HMCN1: variants seen among roughly 807,000 people sequenced by gnomAD.
The protein encoded by HMCN1 is hemicentin-1.
A neutral mutation model predicts 625.9 loss-of-function variants in HMCN1; 321 were observed. The observed-to-expected ratio is 0.51, with a 90% CI of 0.47 to 0.56. The LOEUF (loss-of-function observed/expected upper bound fraction) is 0.56. Among genes scored for constraint, HMCN1 ranks in the 20% least tolerant of loss-of-function variants. The pLI is 0.00. For missense variants in HMCN1, 6,588 were observed against 6,887.3 expected, an observed-to-expected ratio of 0.96 and a Z score of 1.54; for synonymous variants, 2,425 against 2,417.6, an observed-to-expected ratio of 1.00 and a Z score of -0.09.
At chr1:185,978,704 G>A (rs887364443) in intron 16 of HMCN1, among the ~76,000 whole-genome samples, 2 of 151,808 alleles carry the variant, frequency 1.3e-5, no homozygotes, top group African/African-American at 4.8e-5. Context: ...GGGTGGGTAC[G>A]GGTTCTCATT....
In HMCN1 at chr1:186,178,464, C is replaced by G; in HGVS notation, c.15992C>G (p.Ser5331Cys). ...QVPKPCAHQC[S>C]NTPGSFKCIC... Reference sequence around the variant, plus strand: ...CCTAAACCTTGTGCACATCAGTGCTCCAACACCCCCGGCAGCTTCAAGTGT... The same window carrying G: ...CCTAAACCTTGTGCACATCAGTGCTGCAACACCCCCGGCAGCTTCAAGTGT... The change falls in exon 104 of 107, where the codon TCC becomes TGC. Residue 5331 changes from serine to cysteine, a missense_variant. Ser to Cys is a moderately radical substitution (Grantham distance 112, BLOSUM62 -1). Around this residue, in one of 3 missense-constraint regions of HMCN1, gnomAD observed 1,954 missense variants for 2,013.1 expected, o/e 0.97. Coordinates refer to ENST00000271588, the MANE Select transcript of HMCN1 (RefSeq NM_031935.3). 6.2e-7 allele frequency: 1 copy of G among 1,614,006 alleles called. No homozygotes were observed. The highest frequency in any genetic ancestry group is 8.5e-7 in the Non-Finnish European group (1 of 1,179,972).
Position 186,033,214 on chromosome 1 carries a change from A to G in HMCN1, c.5750-4720A>G, listed in dbSNP as rs1298301980. ...CCAGGAATGGAAAACCAAACATCGCATGTTCTCAATTTTAAGTAGGAGCTA... is the reference window on the plus strand; with the variant it reads ...CCAGGAATGGAAAACCAAACATCGCGTGTTCTCAATTTTAAGTAGGAGCTA... On this transcript the variant is annotated intron_variant, in intron 36 of 106. Coordinates refer to ENST00000271588, the MANE Select transcript of HMCN1 (RefSeq NM_031935.3). Among the ~76,000 whole-genome samples the G allele has an allele frequency of 3.3e-5, 5 of 152,294 alleles. 1 individual carries two copies. In the East Asian group the frequency reaches 9.7e-4, roughly 29 times the overall value.
intron 104 of HMCN1, among the ~76,000 whole-genome samples, chr1:186,181,425 C>CAGAT (rs1652923877): frequency 6.6e-6 from 1 of 152,108 alleles, no homozygotes; most frequent in African/African-American, 2.4e-5. Flanking sequence ...TTAATAATAG[C>CAGAT]AGATAGCCCT....
intron 85 of HMCN1, 85 bp downstream of exon 85, chr1:186,130,782 T>G: frequency 8.8e-7 from 1 of 1,131,948 alleles, no homozygotes; most frequent in Non-Finnish European, 1.3e-6. Context: ...GAAACATTTC[T>G]CTTACATTCC....
intron 38 of HMCN1, 146 bp from the exon 39 acceptor site, chr1:186,039,582 A>G (rs1656072094): frequency 1.3e-6 from 1 of 791,668 alleles, no homozygotes; most frequent in African/African-American, 1.7e-5. Flanking sequence ...TAGATCTTAA[A>G]TAAGAGAGAT....
intron 11 of HMCN1, among the ~76,000 whole-genome samples, chr1:185,949,754 T>C (rs1668544393): frequency 6.6e-6 from 1 of 151,896 alleles, no homozygotes; most frequent in Non-Finnish European, 1.5e-5. Context: ...AGTATCTGCC[T>C]AGACTAAGAG....
At chr1:185,743,942 T>G (rs1373914928) in intron 1 of HMCN1, among the ~76,000 whole-genome samples, 4 of 151,610 alleles carry the variant, frequency 2.6e-5, no homozygotes, top group Non-Finnish European at 5.9e-5. Context: ...GACTAAAAAA[T>G]TACATAGAAA....
intron 1 of HMCN1, among the ~76,000 whole-genome samples, chr1:185,801,567 C>T (rs894556337): frequency 3.9e-5 from 6 of 152,138 alleles, no homozygotes; most frequent in Admixed American, 6.6e-5. Context: ...TAAATAGTCA[C>T]ATTAAACAGT....
chr1:186,062,329 G>A (rs993105262), intron 47 of HMCN1, among the ~76,000 whole-genome samples, 185 bp from the exon 48 acceptor site: 12 of 151,974 alleles, frequency 7.9e-5, no homozygotes, highest in Non-Finnish European at 1.5e-4. Context: ...CATTATAATT[G>A]GATTTATGAC....
At chr1:186,019,206 A>G (rs1223725387) in intron 34 of HMCN1, among the ~76,000 whole-genome samples, 1 of 151,992 alleles carries the variant, frequency 6.6e-6, no homozygotes, top group Non-Finnish European at 1.5e-5. Context: ...ATCCACCTTG[A>G]CTTAATGAAG....
chr1:186,036,310 A>T (rs1655818581), intron 36 of HMCN1, among the ~76,000 whole-genome samples: 1 of 152,140 alleles, frequency 6.6e-6, no homozygotes, highest in African/African-American at 2.4e-5. Flanking sequence ...AAAGAGGTTT[A>T]ATGGACTCAC....
intron 96 of HMCN1, among the ~76,000 whole-genome samples, chr1:186,153,304 T>C (rs1418163168): frequency 1.3e-5 from 2 of 152,154 alleles, no homozygotes; most frequent in African/African-American, 2.4e-5. Context: ...TATGTTATAA[T>C]TAAAGGGTTC....
At chr1:185,892,863 T>C (rs1254224023) in intron 4 of HMCN1, among the ~76,000 whole-genome samples, 1 of 152,204 alleles carries the variant, frequency 6.6e-6, no homozygotes, top group Non-Finnish European at 1.5e-5. Flanking sequence ...CAGGCTGCTT[T>C]GTTTACCTAC....
intron 13 of HMCN1, among the ~76,000 whole-genome samples, chr1:185,965,138 A>T (rs778245525): frequency 6.2e-4 from 95 of 152,262 alleles, no homozygotes; most frequent in Non-Finnish European, 1.1e-3. Context: ...AAAATGTTTA[A>T]GTAAACTGAA....
Position 186,153,997 on chromosome 1 carries a change from TAAAAG to T in HMCN1, c.15256+15_15256+19del, listed in dbSNP as rs748062020. On this transcript the variant is annotated intron_variant, in intron 97 of 106. Coordinates refer to ENST00000271588, the MANE Select transcript of HMCN1 (RefSeq NM_031935.3). ...GCTTCAATATCCAAAGGTAATTTGA[TAAAAG>T]AAAATCCATATCTTTATGCCATCCA... 7 of 1,600,620 alleles carry T rather than the reference TAAAAG, an allele frequency of 4.4e-6. No individual in the cohort carries two copies. Among genetic ancestry groups the T allele is most frequent in the African/African-American group, 1.3e-5 (1 of 74,630 alleles).
chr1:185,998,147 T>C (rs1652934579), intron 25 of HMCN1, among the ~76,000 whole-genome samples: 1 of 152,128 alleles, frequency 6.6e-6, no homozygotes, highest in Admixed American at 6.6e-5. Flanking sequence ...AAGTAGGTAA[T>C]TAAGAACATC....
intron 40 of HMCN1, among the ~76,000 whole-genome samples, chr1:186,044,276 C>T (rs1318418850): frequency 1.3e-5 from 2 of 152,114 alleles, no homozygotes; most frequent in African/African-American, 4.8e-5. Context: ...CTAAATTTAG[C>T]AGAAGGAACG....
chr1:186,069,537 T>A (rs970278596), intron 50 of HMCN1, 126 bp from the exon 51 acceptor site: 2 of 711,056 alleles, frequency 2.8e-6, no homozygotes, highest in African/African-American at 3.5e-5. Context: ...ATATCATATG[T>A]CCATCACAGA....
At chr1:186,173,816 G>T (rs1330566874) in intron 102 of HMCN1, among the ~76,000 whole-genome samples, 1 of 152,072 alleles carries the variant, frequency 6.6e-6, no homozygotes, top group Non-Finnish European at 1.5e-5. Context: ...CAAAAATCTA[G>T]CTAAGTGGGA....
Sources: allele counts gnomAD v4.1 joint callset (sites outside exome capture counted in the v4.1 genomes callset), GRCh38; gene constraint gnomAD v4.1.1; regional missense constraint gnomAD v4.1.1; transcripts MANE v1.5; gene names NCBI Gene and HGNC (gene_info 2026-07-23, HGNC 2026-07-21).